Variants in NDUFB5 observed in about 807,000 individuals in gnomAD.
NDUFB5 encodes the protein NADH:ubiquinone oxidoreductase subunit B5, also known as NADH dehydrogenase [ubiquinone] 1 beta subcomplex subunit 5, mitochondrial.
Under a neutral mutation model 19.4 loss-of-function variants are expected in NDUFB5, and 19 were observed. That is an observed-to-expected ratio of 0.98 (90% confidence interval 0.68 to 1.43). The LOEUF is 1.43. Among genes scored for constraint, NDUFB5 ranks in the 40% most tolerant of loss-of-function variants. NDUFB5 has a pLI of 0.00. For missense variants in NDUFB5, 233 were observed against 236.5 expected (o/e 0.99, Z 0.10); for synonymous variants, 80 against 82.6 (o/e 0.97, Z 0.17).
In NDUFB5 at chr3:179,623,957, A is replaced by G. The variant is rs1241446288; in HGVS notation, c.487A>G (p.Arg163Gly). The G allele has an allele frequency of 1.9e-6, 3 of 1,613,922 alleles. No homozygotes were observed. Among genetic ancestry groups the G allele is most frequent in the Non-Finnish European group, 2.5e-6 (3 of 1,179,866 alleles). Residue 163 changes from arginine (R) to glycine (G), a missense_variant, in exon 6 of 6, where the codon AGA (arginine) becomes GGA (glycine). Arg to Gly is a moderately radical substitution (Grantham distance 125). Coordinates refer to ENST00000259037, the MANE Select transcript of NDUFB5 (RefSeq NM_002492.4). ...ELEVRKLMHV[R>G]GDGPWYYYET... Reference sequence around the variant, plus strand: ...GGAAGTGCGAAAATTGATGCATGTGAGAGGAGATGGACCCTGGTATTACTA... The same window carrying G: ...GGAAGTGCGAAAATTGATGCATGTGGGAGGAGATGGACCCTGGTATTACTA...
rs1392176067 is a variant in NDUFB5 at position 179,604,922 on chromosome 3, G to A, written c.107G>A (p.Gly36Asp). ...GGATTTGGGGGCTTCCTCACTCGTG[G>A]CTTTCCGAAGGCTGCTGGTGGGTGC... is the stretch of plus-strand genomic sequence containing the variant. ...RLGFGGFLTR[G>D]FPKAAAPVRH... Residue 36 changes from glycine to aspartate, a missense_variant, in exon 1 of 6, where the codon GGC becomes GAC. Coordinates refer to ENST00000259037, the MANE Select transcript of NDUFB5 (RefSeq NM_002492.4). 1 of 1,585,596 alleles carries A rather than the reference G, an allele frequency of 6.3e-7. No homozygotes were observed. Among genetic ancestry groups the A allele is most frequent in the Non-Finnish European group, 8.5e-7 (1 of 1,171,086 alleles).
At chr3:179,615,106 G>GA (rs1026244568) in intron 2 of NDUFB5, 47 bp downstream of exon 2, 7 of 1,294,966 alleles carry the variant, frequency 5.4e-6, no homozygotes, top group Non-Finnish European at 7.5e-6. Flanking sequence ...ATGTAACAGG[G>GA]AAAAAATTTT....
chr3:179,610,153 C>T (rs557325935), intron 1 of NDUFB5, among the ~76,000 whole-genome samples: 1 of 152,172 alleles, frequency 6.6e-6, no homozygotes, highest in East Asian at 1.9e-4. Context: ...AGTGCAGTGG[C>T]GCAATCATAG....
At chr3:179,622,465 G>A (rs566284096) in intron 5 of NDUFB5, among the ~76,000 whole-genome samples, 2 of 152,222 alleles carry the variant, frequency 1.3e-5, no homozygotes, top group East Asian at 1.9e-4. Context: ...TAATGAAATA[G>A]GAAGGTGCTA....
At chr3:179,616,950 C>T (rs1719394519) in intron 3 of NDUFB5, 33 bp from the exon 4 acceptor site, 4 of 1,533,586 alleles carry the variant, frequency 2.6e-6, no homozygotes, top group Non-Finnish European at 3.6e-6. Context: ...ACTCCTCATG[C>T]TAAAGTTAAA....
intron 1 of NDUFB5, among the ~76,000 whole-genome samples, chr3:179,612,918 A>C (rs996527405): frequency 2.0e-5 from 3 of 152,200 alleles, no homozygotes; most frequent in African/African-American, 7.2e-5. Context: ...GATAAGCGAC[A>C]GGGAAGATCA....
At chr3:179,620,424 A>G (rs1244201885) in intron 5 of NDUFB5, among the ~76,000 whole-genome samples, 2 of 151,070 alleles carry the variant, frequency 1.3e-5, no homozygotes, top group East Asian at 3.9e-4. Flanking sequence ...ATGGCTAGCC[A>G]GTTTCCCAGC....
At chr3:179,618,575 C>G (rs576742115) in intron 5 of NDUFB5, 54 bp downstream of exon 5, 1 of 1,192,178 alleles carries the variant, frequency 8.4e-7, no homozygotes, top group South Asian at 1.3e-5. Context: ...GGTAGCAAAC[C>G]ACCAGAAAAA....
intron 1 of NDUFB5, among the ~76,000 whole-genome samples, chr3:179,606,448 C>T (rs924002553): frequency 6.6e-6 from 1 of 152,144 alleles, no homozygotes; most frequent in Non-Finnish European, 1.5e-5. Flanking sequence ...AGGCGATTCT[C>T]CTGCCTCAGC....
At chr3:179,618,705 G>C (rs966474719) in intron 5 of NDUFB5, among the ~76,000 whole-genome samples, 184 bp downstream of exon 5, 3 of 152,102 alleles carry the variant, frequency 2.0e-5, no homozygotes, top group Non-Finnish European at 4.4e-5. Context: ...ACAGAAATTA[G>C]CCGGGCGTGG....
At position 179,607,679 on chromosome 3, in the gene NDUFB5, A is replaced by G. The variant is rs28613162; in HGVS notation, c.124+2740A>G. The stretch of plus-strand genomic sequence containing the variant: ...GCTATGCAACCATCACCATCATCCA[A>G]CTCCAGAACTTTTTTCATATGGTAA... On this transcript the variant is annotated intron_variant, in intron 1 of 5. Transcript: ENST00000259037. 4.9e-3 allele frequency: 3,393 copies of G among 688,702 alleles called. 82 individuals carry two copies. The African/African-American group carries it at 0.052, about 11-fold the overall frequency. 42.7% of individuals were successfully genotyped at this position (688,702 alleles called of 1,614,324 possible). A position where few individuals can be genotyped will look rare whatever the true frequency, so the allele number is the denominator to read the frequency against.
At chr3:179,612,903 CAG>C (rs796328166) in intron 1 of NDUFB5, among the ~76,000 whole-genome samples, 19 of 152,210 alleles carry the variant, frequency 1.2e-4, no homozygotes, top group African/African-American at 4.6e-4. Flanking sequence ...CAGGTGTAGT[CAG>C]GGGATAAGCG....
At chr3:179,619,362 C>T (rs990514763) in intron 5 of NDUFB5, among the ~76,000 whole-genome samples, 1 of 151,806 alleles carries the variant, frequency 6.6e-6, no homozygotes, top group African/African-American at 2.4e-5. Context: ...CCACCCACCC[C>T]ACAACAGGCC....
chr3:179,608,004 G>GT (rs761059570), intron 1 of NDUFB5, among the ~76,000 whole-genome samples: 1 of 152,018 alleles, frequency 6.6e-6, no homozygotes, highest in Non-Finnish European at 1.5e-5. Flanking sequence ...TTGTTTGTTT[G>GT]TTTGTTTTGT....
At chr3:179,609,530 T>C (rs934606362) in intron 1 of NDUFB5, among the ~76,000 whole-genome samples, 4 of 152,294 alleles carry the variant, frequency 2.6e-5, no homozygotes, top group Admixed American at 6.5e-5. Context: ...AACAGGATGT[T>C]GTGCCTGTGG....
At chr3:179,622,466 G>A (rs1406628117) in intron 5 of NDUFB5, among the ~76,000 whole-genome samples, 2 of 152,100 alleles carry the variant, frequency 1.3e-5, no homozygotes, top group African/African-American at 4.8e-5. Context: ...AATGAAATAG[G>A]AAGGTGCTAC....
intron 5 of NDUFB5, among the ~76,000 whole-genome samples, chr3:179,620,517 C>T (rs1317356096): frequency 9.0e-4 from 137 of 152,198 alleles, no homozygotes; most frequent in African/African-American, 2.9e-3. Context: ...AGATATGCGG[C>T]ATTATTTCTG....
At chr3:179,605,049 G>T in intron 1 of NDUFB5, 110 bp downstream of exon 1, 1 of 1,381,192 alleles carries the variant, frequency 7.2e-7, no homozygotes. Flanking sequence ...GACAAGTTGT[G>T]GGCTTGGGGC....
At position 179,626,061 on chromosome 3, in the gene NDUFB5, G is replaced by A. The variant is rs1307800544; in HGVS notation, c.*2021G>A. 1.3e-5 allele frequency: 2 copies of A among 152,130 alleles called. No homozygotes were observed. Among genetic ancestry groups the A allele is most frequent in the African/African-American group, 4.8e-5 (2 of 41,426 alleles). 9.4% of individuals were successfully genotyped at this position (152,130 alleles called of 1,614,324 possible). ...GTACATTCCTACCAATGGTGGATGA[G>A]CGTTCCCCTTTCTCCACATCCTCAC... On this transcript the variant is annotated 3_prime_UTR_variant, in exon 6 of 6. Transcript: ENST00000259037.
Sources: gnomAD v4.1 joint callset for allele counts (sites outside exome capture counted in the v4.1 genomes callset) on GRCh38, gnomAD v4.1.1 for gene constraint, MANE v1.5 for transcripts, NCBI Gene and HGNC (gene_info 2026-07-23, HGNC 2026-07-21) for gene names.